The following PAK5 variants were observed in gnomAD, a reference collection of about 807,000 sequenced individuals.
PAK5 encodes the protein p21 (RAC1) activated kinase 5.
Under a neutral mutation model 65.9 loss-of-function variants are expected in PAK5, and 16 were observed. The observed-to-expected ratio is 0.24, with a 90% CI of 0.16 to 0.37. The LOEUF is 0.37. Ranked by LOEUF, PAK5 falls within the 10% of genes least tolerant of loss-of-function variation. The pLI, the probability that PAK5 is intolerant of heterozygous loss-of-function variation, is 1.00. For synonymous variants in PAK5, 371 were observed against 354.9 expected, an observed-to-expected ratio of 1.05 and a Z score of -0.51; for missense variants, 785 against 903.9, an observed-to-expected ratio of 0.87 and a Z score of 1.69.
rs1156654078 is a variant in PAK5, at chr20:9,838,099, C to A, written c.-162+663G>T. Among the ~76,000 whole-genome samples, 2 of 152,030 alleles carry A rather than the reference C, an allele frequency of 1.3e-5. No homozygotes were observed. The highest frequency in any genetic ancestry group is 2.9e-5 in the Non-Finnish European group (2 of 68,002). Reference sequence around the variant, plus strand: ...ACACAATTTTGACAAGAGTTTGGAACCAAGATCCTCTTCCACGCCCTGCTC... The same window carrying A: ...ACACAATTTTGACAAGAGTTTGGAAACAAGATCCTCTTCCACGCCCTGCTC... On this transcript the variant is annotated intron_variant, in intron 1 of 9. Transcript: ENST00000353224. The surrounding 1 kb of genome is among the most constrained non-coding windows in gnomAD (Gnocchi z 4.5).
intron 4 of PAK5, chr20:9,577,764 T>G (rs564322815): frequency 4.6e-5 from 7 of 152,322 alleles, no homozygotes; most frequent in African/African-American, 1.7e-4. Flanking sequence ...CTGTGAAACA[T>G]GGAGCAGCAG....
At chr20:9,628,759 T>A (rs904870708) in intron 3 of PAK5, among the ~76,000 whole-genome samples, 2 of 152,116 alleles carry the variant, frequency 1.3e-5, no homozygotes, top group African/African-American at 4.8e-5. Flanking sequence ...CCTGCAGAAA[T>A]TTCCTATCCA....
chr20:9,563,021 C>T lies in PAK5; in HGVS notation c.1486G>A (p.Val496Met), dbSNP rs749160745. 17 of 1,612,350 alleles carry T rather than the reference C, an allele frequency of 1.1e-5. No homozygotes were observed. Among genetic ancestry groups the T allele is most frequent in the Non-Finnish European group, 1.4e-5 (16 of 1,179,368 alleles). ...QRRELLFNEV[V>M]IMRDYHHDNV... Reference sequence around the variant, plus strand: ...TCATGGTGGTAATCCCGCATGATCACGACCTGGGGAAACGGGAAATATACT... The same window carrying T: ...TCATGGTGGTAATCCCGCATGATCATGACCTGGGGAAACGGGAAATATACT... Residue 496 changes from valine to methionine, a missense_variant, in exon 6 of 10, where the codon GTG (valine) becomes ATG (methionine). Around this residue, in one of 4 missense-constraint regions of PAK5, gnomAD observed 182 missense variants for 273.0 expected, o/e 0.67. Coordinates refer to ENST00000353224, the MANE Select transcript of PAK5 (RefSeq NM_177990.4).
chr20:9,677,131 A>G (rs1319030773), intron 2 of PAK5, among the ~76,000 whole-genome samples: 1 of 151,222 alleles, frequency 6.6e-6, no homozygotes, highest in Non-Finnish European at 1.5e-5. Flanking sequence ...AAGGAAAGGA[A>G]TGTCTTTTTT....
chr20:9,664,109 A>C (rs905331442), intron 2 of PAK5, among the ~76,000 whole-genome samples: 33 of 152,188 alleles, frequency 2.2e-4, no homozygotes, highest in African/African-American at 8.0e-4. Context: ...AGTCCCTTCC[A>C]TCAGGATTAC....
intron 2 of PAK5, among the ~76,000 whole-genome samples, chr20:9,681,359 T>C (rs2047647038): frequency 6.6e-6 from 1 of 152,166 alleles, no homozygotes; most frequent in Non-Finnish European, 1.5e-5. Context: ...TGTATTTCAG[T>C]TGAAGGGTTT....
chr20:9,743,399 A>AC (rs2048471113), intron 1 of PAK5, among the ~76,000 whole-genome samples: 1 of 80,490 alleles, frequency 1.2e-5, no homozygotes, highest in Non-Finnish European at 2.8e-5. Context: ...GCCAAAAAAA[A>AC]ACAAACGAAA....
At chr20:9,597,097 TA>T (rs2046283331) in intron 3 of PAK5, among the ~76,000 whole-genome samples, 1 of 152,202 alleles carries the variant, frequency 6.6e-6, no homozygotes, top group Non-Finnish European at 1.5e-5. Context: ...AGTGCTGGAT[TA>T]TAAATCTGGC....
chr20:9,725,938 T>C (rs1397462228), intron 1 of PAK5, among the ~76,000 whole-genome samples: 1 of 152,092 alleles, frequency 6.6e-6, no homozygotes, highest in Non-Finnish European at 1.5e-5. Flanking sequence ...ATTTCAGTAA[T>C]AAGAAAAAAA....
intron 2 of PAK5, among the ~76,000 whole-genome samples, chr20:9,707,405 T>C (rs761742639): frequency 1.1e-4 from 16 of 152,184 alleles, no homozygotes; most frequent in Non-Finnish European, 2.1e-4. Context: ...CCCCAGCCCC[T>C]TCTTGTTTTA....
chr20:9,674,467 C>T (rs759503583), intron 2 of PAK5, among the ~76,000 whole-genome samples: 6 of 152,186 alleles, frequency 3.9e-5, no homozygotes, highest in Non-Finnish European at 7.3e-5. Context: ...TGAGGTACTT[C>T]CCTCTATAGA....
intron 1 of PAK5, among the ~76,000 whole-genome samples, chr20:9,798,882 CTAA>C (rs1437136777): frequency 6.6e-6 from 1 of 152,098 alleles, no homozygotes; most frequent in Non-Finnish European, 1.5e-5. Context: ...CCCAGATCTA[CTAA>C]TATCAGAATA....
chr20:9,562,929 T>C lies in PAK5; in HGVS notation c.1578A>G (p.Leu526=), dbSNP rs1041046863. 8.7e-6 allele frequency: 14 copies of C among 1,613,902 alleles called. No homozygotes were observed. The highest frequency in any genetic ancestry group is 1.2e-5 in the Non-Finnish European group (14 of 1,179,784). ...CAATGTCTGTCAAGGCACCACCTTC[T>C]AGAAACTCCATGACCACCCAGAGCT... ...GDELWVVMEF[L]EGGALTDIVT... Residue 526 remains leucine, a synonymous_variant, in exon 6 of 10, where the codon CTA becomes CTG. Transcript: ENST00000353224.
At chr20:9,540,149 G>T (rs1376184108) in intron 9 of PAK5, among the ~76,000 whole-genome samples, 1 of 152,136 alleles carries the variant, frequency 6.6e-6, no homozygotes, top group African/African-American at 2.4e-5. Context: ...GTCTCACTAT[G>T]TTGCCCAGGC....
chr20:9,601,077 C>A (rs1233459301), intron 3 of PAK5, among the ~76,000 whole-genome samples: 1 of 152,114 alleles, frequency 6.6e-6, no homozygotes, highest in East Asian at 1.9e-4. Flanking sequence ...TCTCTTATAT[C>A]TAAGCTGGAG....
intron 1 of PAK5, among the ~76,000 whole-genome samples, chr20:9,744,031 T>C (rs898807297): frequency 1.3e-5 from 2 of 152,170 alleles, no homozygotes; most frequent in Admixed American, 1.3e-4. Flanking sequence ...ATGCTGGCCT[T>C]GAAGACTGCA....
At chr20:9,709,977 A>G (rs145556197) in intron 2 of PAK5, among the ~76,000 whole-genome samples, 3 of 152,242 alleles carry the variant, frequency 2.0e-5, no homozygotes, top group African/African-American at 7.2e-5. Flanking sequence ...TCTGGTAACC[A>G]TTGCTTGAAT....
intron 3 of PAK5, among the ~76,000 whole-genome samples, chr20:9,626,783 AT>A (rs567710905): frequency 3.3e-5 from 5 of 151,524 alleles, no homozygotes; most frequent in Non-Finnish European, 5.9e-5. Flanking sequence ...ATTTTTATTT[AT>A]TTTTTTTTCT....
chr20:9,798,824 T>A (rs760539950), intron 1 of PAK5, among the ~76,000 whole-genome samples: 12 of 152,224 alleles, frequency 7.9e-5, no homozygotes, highest in Middle Eastern at 3.4e-3. Flanking sequence ...ACCAGCAGCA[T>A]CAGCCTCAGC....
Sources: gnomAD v4.1 joint callset for allele counts (sites outside exome capture counted in the v4.1 genomes callset) on GRCh38, gnomAD v4.1.1 for gene constraint, gnomAD v4.1.1 regional missense constraint, Gnocchi (gnomAD v3.1) non-coding constraint, MANE v1.5 for transcripts, NCBI Gene and HGNC (gene_info 2026-07-23, HGNC 2026-07-21) for gene names.